RNF17: variants seen among roughly 807,000 people sequenced by gnomAD.
RNF17 encodes ring finger protein 17, also known as spermatogenesis associated 23.
RNF17 carries 31 observed loss-of-function variants against 200.5 expected under a neutral mutation model. The observed-to-expected ratio is 0.15, with a 90% CI of 0.12 to 0.21. RNF17 has a LOEUF of 0.21. RNF17 is among the 10% of genes least tolerant of loss of function. The probability of loss-of-function intolerance (pLI) is 1.00; values close to 1 mark genes in which losing one functional copy is unlikely to be tolerated. For missense variants in RNF17, 1,628 were observed against 1,905.1 expected (o/e 0.85, Z 2.71); for synonymous variants, 606 against 637.8 (o/e 0.95, Z 0.75).
At chr13:24,832,980 A>G (rs1391535649) in intron 18 of RNF17, among the ~76,000 whole-genome samples, 1 of 152,140 alleles carries the variant, frequency 6.6e-6, no homozygotes, top group Non-Finnish European at 1.5e-5. Flanking sequence ...TCTTGGGCTC[A>G]AGCGATCCTC....
At chr13:24,795,007 T>C (rs1291324121) in intron 10 of RNF17, among the ~76,000 whole-genome samples, 5 of 152,194 alleles carry the variant, frequency 3.3e-5, no homozygotes, top group African/African-American at 1.2e-4. Context: ...GCGTGAGCCA[T>C]CGTGCGCAGC....
chr13:24,816,708 C>T (rs558225209), intron 15 of RNF17, among the ~76,000 whole-genome samples: 2 of 152,314 alleles, frequency 1.3e-5, no homozygotes, highest in South Asian at 4.1e-4. Flanking sequence ...ACCTAACTTT[C>T]CTCCCAGTCA....
chr13:24,882,777 C>A, downstream of RNF17: 1 of 191,490 alleles, frequency 5.2e-6, no homozygotes. Flanking sequence ...TACAGAGACA[C>A]GTGTTTACTC....
At chr13:24,778,481 T>C in intron 4 of RNF17, 75 bp downstream of exon 4, 3 of 912,540 alleles carry the variant, frequency 3.3e-6, no homozygotes, top group Non-Finnish European at 3.6e-6. Flanking sequence ...AACTTTCTTC[T>C]CCTATAATTA....
chr13:24,790,214 A>G lies in RNF17; in HGVS notation c.935+442A>G, dbSNP rs542274788. Among the ~76,000 whole-genome samples the G allele has an allele frequency of 2.0e-5, 3 of 152,150 alleles. No homozygotes were observed. The South Asian group carries it at 6.2e-4, about 31-fold the overall frequency. ...ATTTTCTTTTCCCTTATCTATTAAA[A>G]TTAAGTAGCAAGTAGAAAGGAGGAG... On this transcript the variant is annotated intron_variant, in intron 9 of 35. Transcript: ENST00000255324.
intron 5 of RNF17, among the ~76,000 whole-genome samples, chr13:24,780,468 C>T (rs1011509662): frequency 4.6e-5 from 7 of 152,152 alleles, no homozygotes; most frequent in African/African-American, 1.7e-4. Context: ...CACAATCCAA[C>T]TAAAAACAGA....
chr13:24,867,337 T>G (rs1453622141), intron 30 of RNF17, among the ~76,000 whole-genome samples: 1 of 152,212 alleles, frequency 6.6e-6, no homozygotes, highest in Non-Finnish European at 1.5e-5. Context: ...TCTTTTCACT[T>G]TTTTGATAGT....
intron 2 of RNF17, among the ~76,000 whole-genome samples, chr13:24,772,009 CA>C (rs957116199): frequency 3.3e-5 from 5 of 151,910 alleles, no homozygotes; most frequent in Non-Finnish European, 5.9e-5. Context: ...CATCTGAAGA[CA>C]AAAAAGTGGG....
intron 3 of RNF17, among the ~76,000 whole-genome samples, 166 bp from the exon 4 acceptor site, chr13:24,778,129 G>A (rs566755314): frequency 1.3e-5 from 2 of 152,262 alleles, no homozygotes; most frequent in South Asian, 2.1e-4. Flanking sequence ...GAGTGTGGTG[G>A]CACATGCCTA....
At chr13:24,887,565 A>G in the RNF17 span, among the ~76,000 whole-genome samples, 3 of 152,262 alleles carry the variant, frequency 2.0e-5, no homozygotes, top group Admixed American at 1.3e-4. Flanking sequence ...ACTGTCTCCC[A>G]TCACCCCCAG....
At chr13:24,823,108 C>A (rs1566181902) in intron 15 of RNF17, among the ~76,000 whole-genome samples, 3 of 152,056 alleles carry the variant, frequency 2.0e-5, no homozygotes, top group Admixed American at 6.6e-5. Context: ...GAGTCTGGCT[C>A]TGTCACCCAC....
chr13:24,838,481 A>G (rs7998291), intron 18 of RNF17, among the ~76,000 whole-genome samples: 21,731 of 152,234 alleles, frequency 0.14, 2,045 homozygotes, highest in Admixed American at 0.26. Context: ...AAAGTAATCC[A>G]TGATCAAGTG....
At chr13:24,793,941 C>G (rs920092914) in intron 10 of RNF17, among the ~76,000 whole-genome samples, 1 of 152,130 alleles carries the variant, frequency 6.6e-6, no homozygotes, top group Non-Finnish European at 1.5e-5. Context: ...TTGGTTGACT[C>G]TCCAGAATTG....
chr13:24,842,056 ATGT>A lies in RNF17; in HGVS notation c.2499_2501del (p.Asn833_Val834delinsLys). The A allele has an allele frequency of 6.2e-7, 1 of 1,608,096 alleles. No individual in the cohort carries two copies. Among genetic ancestry groups the A allele is most frequent in the Non-Finnish European group, 8.5e-7 (1 of 1,178,004 alleles). ...GGTTTTACAGAAATTCTGGAAGATA[ATGT>A]GCTCTTAGTTGAGCTTTTCGATTCT... is the stretch of plus-strand genomic sequence containing the variant. On this transcript the variant is annotated inframe_deletion, in exon 19 of 36. Coordinates refer to ENST00000255324, the MANE Select transcript of RNF17 (RefSeq NM_031277.3).
chr13:24,796,411 T>A, intron 11 of RNF17, 116 bp downstream of exon 11: 1 of 609,498 alleles, frequency 1.6e-6, no homozygotes, highest in Non-Finnish European at 2.6e-6. Flanking sequence ...TCATTTGTAG[T>A]AAGCATAAAA....
chr13:24,757,569 C>T, the RNF17 span, among the ~76,000 whole-genome samples: 28 of 152,246 alleles, frequency 1.8e-4, no homozygotes, highest in South Asian at 5.4e-3. Context: ...GGCAATCTGC[C>T]GGCCTCAGCC....
At chr13:24,878,421 C>T (rs548824442) in intron 34 of RNF17, among the ~76,000 whole-genome samples, 33 of 152,188 alleles carry the variant, frequency 2.2e-4, no homozygotes, top group South Asian at 6.2e-4. Context: ...GGATTTATTA[C>T]GGGAATTGGC....
rs899413200 is a variant in RNF17 at position 24,859,023 on chromosome 13, A to C, written c.3633A>C (p.Thr1211=). 2 of 1,593,030 alleles carry C rather than the reference A, an allele frequency of 1.3e-6. No individual in the cohort carries two copies. The highest frequency in any genetic ancestry group is 1.7e-6 in the Non-Finnish European group (2 of 1,163,554). Residue 1211 remains threonine (T), a synonymous_variant, in exon 26 of 36, where the codon ACA becomes ACC. Coordinates refer to ENST00000255324, the MANE Select transcript of RNF17 (RefSeq NM_031277.3). ...KLSEFELIKM[T]NEIQSNLKCL... ...CAGAATTTGAGCTAATAAAAATGAC[A>C]AATGAAATTCAAAGTAATTTAAAAT...
intron 34 of RNF17, among the ~76,000 whole-genome samples, chr13:24,878,049 C>T (rs749474925): frequency 6.6e-6 from 1 of 152,228 alleles, no homozygotes; most frequent in African/African-American, 2.4e-5. Flanking sequence ...AGTGTAGCCA[C>T]AGCCCCTTAG....
Sources: gnomAD v4.1 joint callset for allele counts (sites outside exome capture counted in the v4.1 genomes callset) on GRCh38, gnomAD v4.1.1 for gene constraint, MANE v1.5 for transcripts, NCBI Gene and HGNC (gene_info 2026-07-23, HGNC 2026-07-21) for gene names.